The following JAK1 variants were observed in gnomAD, a reference collection of about 807,000 sequenced individuals.
JAK1 encodes the protein tyrosine-protein kinase JAK1.
JAK1 carries 16 observed loss-of-function variants against 136.6 expected under a neutral mutation model. The ratio of observed to expected loss-of-function variants is 0.12; its 90% CI spans 0.08 to 0.18. JAK1 has a LOEUF of 0.18. Among genes scored for constraint, JAK1 ranks in the 10% least tolerant of loss-of-function variants. The pLI is 1.00. For synonymous variants in JAK1, 492 were observed against 519.5 expected, an observed-to-expected ratio of 0.95 and a Z score of 0.72; for missense variants, 859 against 1,450.1, an observed-to-expected ratio of 0.59 and a Z score of 6.62.
intron 1 of JAK1, among the ~76,000 whole-genome samples, chr1:64,908,688 G>A (rs1645230582): frequency 6.6e-6 from 1 of 151,918 alleles, no homozygotes; most frequent in Non-Finnish European, 1.5e-5. Context: ...TAAAATGGAA[G>A]CATATGCCCA....
chr1:64,929,165 C>T (rs1377279841), intron 1 of JAK1, among the ~76,000 whole-genome samples: 1 of 152,236 alleles, frequency 6.6e-6, no homozygotes, highest in Non-Finnish European at 1.5e-5. Flanking sequence ...CATCTGCTGG[C>T]TTATGCTCTT....
intron 8 of JAK1, among the ~76,000 whole-genome samples, chr1:64,861,005 C>T (rs1656299372): frequency 7.0e-6 from 1 of 142,746 alleles, no homozygotes; most frequent in Admixed American, 7.3e-5. Flanking sequence ...GTGGGGGAGG[C>T]TGTGGCAGGC....
chr1:64,928,537 C>T (rs1266938437), intron 1 of JAK1, among the ~76,000 whole-genome samples: 2 of 152,052 alleles, frequency 1.3e-5, no homozygotes, highest in African/African-American at 4.8e-5. Flanking sequence ...CAGCTTCCTG[C>T]CCCCTCCAGG....
intron 1 of JAK1, among the ~76,000 whole-genome samples, chr1:64,926,928 GCA>G (rs1645593235): frequency 1.3e-5 from 2 of 152,204 alleles, no homozygotes; most frequent in Non-Finnish European, 2.9e-5. Context: ...AAGGCACTCA[GCA>G]CAGTGTCTGG....
rs777657000 is a variant in JAK1 at position 64,834,674 on chromosome 1, G to A, written c.3370-17C>T. The stretch of plus-strand genomic sequence containing the variant: ...TTGATAAACCTGTAAAAAGAAAGAA[G>A]TAACAACAGTAAAAATGTTAGATCT... On this transcript the variant is annotated splice_polypyrimidine_tract_variant and intron_variant, in intron 24 of 24. Coordinates refer to ENST00000342505, the MANE Select transcript of JAK1 (RefSeq NM_002227.4). 2.0e-6 allele frequency: 3 copies of A among 1,467,762 alleles called. No homozygotes were observed. Among genetic ancestry groups the A allele is most frequent in the South Asian group, 1.2e-5 (1 of 85,630 alleles). The allele number at this position is 1,467,762 out of a possible 1,614,324, so 90.9% of individuals were successfully genotyped here.
chr1:64,934,529 C>G (rs1006631855), intron 1 of JAK1, among the ~76,000 whole-genome samples: 1 of 152,136 alleles, frequency 6.6e-6, no homozygotes, highest in African/African-American at 2.4e-5. Context: ...GCAGCCATTA[C>G]GAAATGAGAG....
At chr1:64,948,781 G>C (rs1646031148) in intron 1 of JAK1, among the ~76,000 whole-genome samples, 1 of 152,152 alleles carries the variant, frequency 6.6e-6, no homozygotes, top group South Asian at 2.1e-4. Context: ...TCTCCCACAG[G>C]ACTATCTTCC....
chr1:64,932,800 C>T (rs1196638676), intron 1 of JAK1, among the ~76,000 whole-genome samples: 1 of 152,086 alleles, frequency 6.6e-6, no homozygotes, highest in Non-Finnish European at 1.5e-5. Context: ...CTGGCACCTG[C>T]CTCTGCCTGG....
chr1:64,912,024 C>T (rs1380238393), intron 1 of JAK1, among the ~76,000 whole-genome samples: 1 of 152,184 alleles, frequency 6.6e-6, no homozygotes, highest in Non-Finnish European at 1.5e-5. Context: ...CATTAAATAG[C>T]AAATGATCAG....
At chr1:64,940,843 A>G (rs929324386) in intron 1 of JAK1, among the ~76,000 whole-genome samples, 2 of 152,090 alleles carry the variant, frequency 1.3e-5, no homozygotes, top group African/African-American at 4.8e-5. Context: ...GAAAAAATAT[A>G]TTTTCGGATT....
chr1:64,985,439 C>T, intron 2 of JAK1: 1 of 1,607,670 alleles, frequency 6.2e-7, no homozygotes, highest in Non-Finnish European at 8.5e-7. Flanking sequence ...TAGCATTCTC[C>T]TCTTCTTTTC....
At chr1:65,035,010 C>T (rs1200848265) in intron 2 of JAK1, among the ~76,000 whole-genome samples, 1 of 151,862 alleles carries the variant, frequency 6.6e-6, no homozygotes, top group Non-Finnish European at 1.5e-5. Context: ...GAGCTGAGAT[C>T]GCACCATTGC....
intron 1 of JAK1, among the ~76,000 whole-genome samples, chr1:64,955,978 G>T (rs1458669130): frequency 6.6e-6 from 1 of 152,174 alleles, no homozygotes; most frequent in Non-Finnish European, 1.5e-5. Flanking sequence ...ATAAGCTGAC[G>T]CATTTTTAAA....
chr1:64,929,557 G>A (rs568774793), intron 1 of JAK1, among the ~76,000 whole-genome samples: 2 of 152,274 alleles, frequency 1.3e-5, no homozygotes, highest in South Asian at 2.1e-4. Context: ...CACTACAGCA[G>A]CTTCATTGTT....
intron 1 of JAK1, among the ~76,000 whole-genome samples, chr1:64,900,850 C>G (rs1280713686): frequency 6.6e-6 from 1 of 152,180 alleles, no homozygotes; most frequent in East Asian, 1.9e-4. Context: ...CCCTGAACTC[C>G]AAACGTACTG....
At chr1:64,874,364 G>A (rs1164180029) in intron 4 of JAK1, among the ~76,000 whole-genome samples, 2 of 151,684 alleles carry the variant, frequency 1.3e-5, no homozygotes. Context: ...GTGTAGCACA[G>A]AAATTTTTTT....
intron 1 of JAK1, among the ~76,000 whole-genome samples, chr1:65,066,432 G>C (rs1044484284): frequency 6.6e-6 from 1 of 152,206 alleles, no homozygotes; most frequent in African/African-American, 2.4e-5. Flanking sequence ...GTGAGCCCGG[G>C]GAGAAGCGGG....
At chr1:64,950,772 A>AT (rs1440801995) in intron 1 of JAK1, among the ~76,000 whole-genome samples, 1 of 152,206 alleles carries the variant, frequency 6.6e-6, no homozygotes, top group East Asian at 1.9e-4. Context: ...ACAAATGAGT[A>AT]TTTTATTTCC....
chr1:65,040,802 A>G (rs767816474), intron 2 of JAK1, among the ~76,000 whole-genome samples: 52 of 151,088 alleles, frequency 3.4e-4, no homozygotes, highest in Non-Finnish European at 1.5e-4. Flanking sequence ...GGATACCACG[A>G]AAAAAAACAT....
Sources: gnomAD v4.1 joint callset for allele counts (sites outside exome capture counted in the v4.1 genomes callset) on GRCh38, gnomAD v4.1.1 for gene constraint, MANE v1.5 for transcripts, NCBI Gene and HGNC (gene_info 2026-07-23, HGNC 2026-07-21) for gene names.